TRUB1: variants seen among roughly 807,000 people sequenced by gnomAD.
TRUB1 encodes TruB pseudouridine synthase family member 1, also known as pseudouridylate synthase TRUB1.
In TRUB1, 23 loss-of-function variants were observed where a neutral mutation model predicts 33.9. The observed-to-expected ratio is 0.68, with a 90% confidence interval of 0.49 to 0.96. The LOEUF (loss-of-function observed/expected upper bound fraction) is 0.96, where lower values mean the gene tolerates loss of function less well. Ranked by LOEUF, TRUB1 falls within the 40% of genes least tolerant of loss-of-function variation. The pLI, the probability that TRUB1 is intolerant of heterozygous loss-of-function variation, is 0.00. For synonymous variants in TRUB1, 163 were observed against 165.4 expected (o/e 0.99, Z 0.11); for missense variants, 378 against 422.2 (o/e 0.90, Z 0.92).
At chr10:114,952,284 C>CA (rs1360186433) in intron 3 of TRUB1, among the ~76,000 whole-genome samples, 1 of 152,004 alleles carries the variant, frequency 6.6e-6, no homozygotes, top group Admixed American at 6.6e-5. Context: ...TTAAAAATAC[C>CA]AAAAAAAGTA....
At chr10:114,951,054 C>G in intron 2 of TRUB1, 40 bp from the exon 3 acceptor site, 1 of 1,562,354 alleles carries the variant, frequency 6.4e-7, no homozygotes, top group Non-Finnish European at 8.8e-7. Flanking sequence ...ACCTAGTTTT[C>G]AGAACAGAGT....
rs2084362738 is a variant in TRUB1, at chr10:114,976,664, A to T, written c.*1285A>T. ...AGTCTCTAACTCTGAAATTTAAAAT[A>T]TGTAAACTAAAGTGGTTTTATTTGT... On this transcript the variant is annotated 3_prime_UTR_variant, in exon 8 of 8. Coordinates refer to ENST00000298746, the MANE Select transcript of TRUB1 (RefSeq NM_139169.5). 1 of 152,164 alleles carries T rather than the reference A, an allele frequency of 6.6e-6. No homozygotes were observed. Among genetic ancestry groups the T allele is most frequent in the Non-Finnish European group, 1.5e-5 (1 of 68,008 alleles). The allele number at this position is 152,164 out of a possible 1,614,324, so 9.4% of individuals were successfully genotyped here. A position where few individuals can be genotyped will look rare whatever the true frequency, so the allele number is the denominator to read the frequency against.
At chr10:114,938,654 AC>A in intron 1 of TRUB1, 115 bp downstream of exon 1, 1 of 1,184,056 alleles carries the variant, frequency 8.4e-7, no homozygotes, top group Non-Finnish European at 1.1e-6. Flanking sequence ...AGGGAGACTG[AC>A]CATTGAATTA....
At chr10:114,946,102 A>G (rs2084210001) in intron 2 of TRUB1, among the ~76,000 whole-genome samples, 1 of 152,198 alleles carries the variant, frequency 6.6e-6, no homozygotes, top group African/African-American at 2.4e-5. Context: ...GTGTGATAAA[A>G]TAAACACTGA....
chr10:114,945,994 GAA>G (rs1210762944), intron 2 of TRUB1, among the ~76,000 whole-genome samples: 3 of 152,210 alleles, frequency 2.0e-5, no homozygotes, highest in African/African-American at 7.2e-5. Context: ...CGAGGAGAGA[GAA>G]AGTTTAAAAA....
intron 4 of TRUB1, among the ~76,000 whole-genome samples, chr10:114,964,053 A>C (rs2084296103): frequency 6.6e-6 from 1 of 152,016 alleles, no homozygotes; most frequent in African/African-American, 2.4e-5. Flanking sequence ...ATTTAACTGT[A>C]CTGGAAATTG....
At chr10:114,975,082 G>A (rs1028763320) in intron 7 of TRUB1, 41 bp from the exon 8 acceptor site, 7 of 1,575,192 alleles carry the variant, frequency 4.4e-6, no homozygotes, top group South Asian at 1.2e-5. Flanking sequence ...ATACTGAATC[G>A]TTTATCTTCT....
At chr10:114,959,989 A>G (rs564886552) in intron 4 of TRUB1, 182 bp downstream of exon 4, 63 of 548,098 alleles carry the variant, frequency 1.1e-4, no homozygotes, top group Middle Eastern at 4.8e-4. Context: ...GTTTTTGAAT[A>G]AAGATTTATT....
intron 4 of TRUB1, among the ~76,000 whole-genome samples, chr10:114,963,821 A>G (rs915489100): frequency 2.6e-5 from 4 of 152,204 alleles, no homozygotes; most frequent in Non-Finnish European, 4.4e-5. Flanking sequence ...GCTATGTAGT[A>G]TGCCACTGTG....
At chr10:114,965,555 AT>A in intron 4 of TRUB1, among the ~76,000 whole-genome samples, 1 of 152,240 alleles carries the variant, frequency 6.6e-6, no homozygotes, top group East Asian at 1.9e-4. Flanking sequence ...TGGCTTTGAT[AT>A]CAAAGTTATG....
chr10:114,962,086 A>T (rs758997273), intron 4 of TRUB1, among the ~76,000 whole-genome samples: 1 of 152,254 alleles, frequency 6.6e-6, no homozygotes, highest in Non-Finnish European at 1.5e-5. Flanking sequence ...ATATTAGCAG[A>T]CTAAAAGTCT....
chr10:114,938,552 G>T lies in TRUB1; in HGVS notation c.286+13G>T. On this transcript the variant is annotated intron_variant, in intron 1 of 7. Transcript: ENST00000298746. ...AAGCTGCTGGCAGGTACTGCAGCCC[G>T]GGTGGGGACCAGGCTGAGGCGGTCG... 3.3e-6 allele frequency: 5 copies of T among 1,519,300 alleles called. No individual in the cohort carries two copies. Among genetic ancestry groups the T allele is most frequent in the Non-Finnish European group, 3.5e-6 (4 of 1,136,780 alleles). The allele number at this position is 1,519,300 out of a possible 1,614,324, so 94.1% of individuals were successfully genotyped here.
At chr10:114,952,376 G>A (rs1469460428) in intron 3 of TRUB1, among the ~76,000 whole-genome samples, 2 of 152,238 alleles carry the variant, frequency 1.3e-5, no homozygotes, top group African/African-American at 4.8e-5. Flanking sequence ...AGGAGGCGGA[G>A]GTTGCAGTGA....
intron 3 of TRUB1, among the ~76,000 whole-genome samples, chr10:114,953,392 C>A (rs10885636): frequency 0.52 from 78,487 of 151,986 alleles, 22,663 homozygotes; most frequent in African/African-American, 0.77. Flanking sequence ...TTTTATGTAC[C>A]TGTTAAAAGA....
chr10:114,976,742 A>G lies in TRUB1; in HGVS notation c.*1363A>G, dbSNP rs1011536527. 6.6e-6 allele frequency: 1 copy of G among 152,194 alleles called. No individual in the cohort carries two copies. Among genetic ancestry groups the G allele is most frequent in the Non-Finnish European group, 1.5e-5 (1 of 68,028 alleles). The allele number at this position is 152,194 out of a possible 1,614,324, so 9.4% of individuals were successfully genotyped here. On this transcript the variant is annotated 3_prime_UTR_variant, in exon 8 of 8. Transcript: ENST00000298746. ...AATGTTATATATGCATCAGTACAGC[A>G]TTTTCAACATATTGGCAACATATTT...
At chr10:114,957,637 G>C (rs1200303467) in intron 3 of TRUB1, among the ~76,000 whole-genome samples, 1 of 152,208 alleles carries the variant, frequency 6.6e-6, no homozygotes, top group African/African-American at 2.4e-5. Flanking sequence ...TTGATCCTTA[G>C]AGAAGAGTGG....
chr10:114,953,917 T>G (rs2084248746), intron 3 of TRUB1, among the ~76,000 whole-genome samples: 1 of 152,090 alleles, frequency 6.6e-6, no homozygotes, highest in Non-Finnish European at 1.5e-5. Context: ...GGATCCGCCC[T>G]CATAACCCAG....
intron 2 of TRUB1, among the ~76,000 whole-genome samples, chr10:114,950,481 A>T (rs896837368): frequency 6.6e-6 from 1 of 152,242 alleles, no homozygotes; most frequent in Non-Finnish European, 1.5e-5. Flanking sequence ...ACCCTCACCA[A>T]GTGAAATGTG....
chr10:114,973,789 G>C (rs1453314916), intron 6 of TRUB1, among the ~76,000 whole-genome samples: 2 of 152,140 alleles, frequency 1.3e-5, no homozygotes, highest in Non-Finnish European at 2.9e-5. Context: ...TAAATAAACT[G>C]AGTTCTTCAT....
Sources: allele counts gnomAD v4.1 joint callset (sites outside exome capture counted in the v4.1 genomes callset), GRCh38; gene constraint gnomAD v4.1.1; transcripts MANE v1.5; gene names NCBI Gene and HGNC (gene_info 2026-07-23, HGNC 2026-07-21).